Variants in PTTG1IP2 observed in about 807,000 individuals in gnomAD.
PTTG1IP2 encodes PTTG1IP family member 2.
chr7:90,483,436 C>G (rs1157419152), intron 2 of PTTG1IP2, among the ~76,000 whole-genome samples: 2 of 152,202 alleles, frequency 1.3e-5, no homozygotes, highest in Non-Finnish European at 2.9e-5. Flanking sequence ...CATGCACATT[C>G]ACAAACTCAA....
intron 2 of PTTG1IP2, among the ~76,000 whole-genome samples, 168 bp from the exon 3 acceptor site, chr7:90,487,159 A>G (rs116283992): frequency 2.3e-3 from 347 of 152,330 alleles, no homozygotes; most frequent in African/African-American, 8.1e-3. Context: ...GTTTGGATGC[A>G]TGGGTCTGAC....
At chr7:90,489,826 C>A (rs1380822982) in intron 4 of PTTG1IP2, among the ~76,000 whole-genome samples, 2 of 151,898 alleles carry the variant, frequency 1.3e-5, no homozygotes, top group African/African-American at 4.8e-5. Flanking sequence ...AATAGATTCT[C>A]TTTTCTTACT....
At chr7:90,506,012 A>G (rs111532714) in intron 6 of PTTG1IP2, among the ~76,000 whole-genome samples, 16,606 of 145,762 alleles carry the variant, frequency 0.11, 1,346 homozygotes, top group Middle Eastern at 0.19. Context: ...AAAAAAAAAA[A>G]AAAAAAAAGA....
chr7:90,475,306 A>G (rs1390627192), intron 1 of PTTG1IP2, among the ~76,000 whole-genome samples: 2 of 152,222 alleles, frequency 1.3e-5, no homozygotes, highest in Admixed American at 6.5e-5. Context: ...TCAGAGGATA[A>G]TTACGCCAAG....
rs148551595 is a variant in PTTG1IP2, at chr7:90,498,052, G to A, written c.*50+3622G>A. ...CCCCCCTTTTTTTTTTTGAGATGGA[G>A]TCTCGCTCTGTTGCCCAGACTAGAG... On this transcript the variant is annotated intron_variant, in intron 6 of 6. Coordinates refer to ENST00000509356, the MANE Select transcript of PTTG1IP2 (RefSeq NM_001365443.2). Among the ~76,000 whole-genome samples, 821 of 150,808 alleles carry A rather than the reference G, an allele frequency of 5.4e-3. 10 individuals carry two copies. Among genetic ancestry groups the A allele is most frequent in the African/African-American group, 0.019 (786 of 40,940 alleles).
chr7:90,503,751 T>C (rs1798086748), intron 6 of PTTG1IP2, among the ~76,000 whole-genome samples: 1 of 152,132 alleles, frequency 6.6e-6, no homozygotes, highest in African/African-American at 2.4e-5. Context: ...ACAATTACAA[T>C]AGTAACATCA....
intron 6 of PTTG1IP2, among the ~76,000 whole-genome samples, chr7:90,505,844 C>T (rs1375128648): frequency 6.6e-6 from 1 of 151,652 alleles, no homozygotes; most frequent in Non-Finnish European, 1.5e-5. Context: ...ATTAGCCGGG[C>T]GCGGTGGCGG....
At chr7:90,479,816 C>A (rs1797794976) in intron 2 of PTTG1IP2, among the ~76,000 whole-genome samples, 1 of 152,192 alleles carries the variant, frequency 6.6e-6, no homozygotes, top group African/African-American at 2.4e-5. Context: ...CACATAAAAA[C>A]CACTGTAGTC....
intron 6 of PTTG1IP2, among the ~76,000 whole-genome samples, chr7:90,501,093 G>GCCA (rs1261733147): frequency 6.6e-6 from 1 of 152,158 alleles, no homozygotes; most frequent in Admixed American, 6.5e-5. Flanking sequence ...CAGAGATTGG[G>GCCA]CCACATATGA....
chr7:90,499,274 T>G (rs1175893174), intron 6 of PTTG1IP2, among the ~76,000 whole-genome samples: 3 of 152,252 alleles, frequency 2.0e-5, no homozygotes, highest in African/African-American at 7.2e-5. Context: ...GTCTAGAGTT[T>G]GCAGAAGTAC....
chr7:90,493,152 G>C (rs1011699120), intron 5 of PTTG1IP2, among the ~76,000 whole-genome samples: 1 of 151,910 alleles, frequency 6.6e-6, no homozygotes, highest in Non-Finnish European at 1.5e-5. Flanking sequence ...TGCAGGGTGC[G>C]GGGGGGCTTC....
chr7:90,481,909 A>G (rs1176795965), intron 2 of PTTG1IP2, among the ~76,000 whole-genome samples: 1 of 152,172 alleles, frequency 6.6e-6, no homozygotes, highest in African/African-American at 2.4e-5. Flanking sequence ...AAATTAATTC[A>G]GTATACTCTA....
chr7:90,479,606 A>G (rs768773345), intron 2 of PTTG1IP2, among the ~76,000 whole-genome samples: 3 of 152,214 alleles, frequency 2.0e-5, no homozygotes, highest in Non-Finnish European at 2.9e-5. Context: ...ATGTGGTGAC[A>G]ATTTCCTTCC....
At chr7:90,478,976 T>C (rs1036289537) in intron 1 of PTTG1IP2, among the ~76,000 whole-genome samples, 10 of 152,174 alleles carry the variant, frequency 6.6e-5, no homozygotes, top group African/African-American at 2.4e-4. Flanking sequence ...GGTTGTTTTT[T>C]AGAACTTGGC....
chr7:90,505,629 TA>T (rs946685929), intron 6 of PTTG1IP2, among the ~76,000 whole-genome samples: 1 of 152,174 alleles, frequency 6.6e-6, no homozygotes, highest in Non-Finnish European at 1.5e-5. Context: ...ATAGCTTTGT[TA>T]ACCGCACTGT....
chr7:90,498,786 C>T (rs781593321), intron 6 of PTTG1IP2, among the ~76,000 whole-genome samples: 54 of 152,120 alleles, frequency 3.5e-4, no homozygotes, highest in Non-Finnish European at 6.9e-4. Context: ...ATTTTAATAT[C>T]TGGTAATGGT....
At chr7:90,483,234 G>A (rs1042763610) in intron 2 of PTTG1IP2, among the ~76,000 whole-genome samples, 2 of 152,138 alleles carry the variant, frequency 1.3e-5, no homozygotes, top group Non-Finnish European at 2.9e-5. Context: ...CTGTTGGCAT[G>A]ATCCTCCTTT....
intron 6 of PTTG1IP2, among the ~76,000 whole-genome samples, chr7:90,506,786 T>C (rs969404356): frequency 6.6e-6 from 1 of 152,164 alleles, no homozygotes; most frequent in African/African-American, 2.4e-5. Flanking sequence ...TATATTCTTA[T>C]TTTATTTTAA....
At chr7:90,490,215 G>A (rs901808107) in intron 4 of PTTG1IP2, among the ~76,000 whole-genome samples, 1 of 151,944 alleles carries the variant, frequency 6.6e-6, no homozygotes, top group African/African-American at 2.4e-5. Context: ...AGAAGGTTTG[G>A]AGAGTATTTG....
Sources: gnomAD v4.1 joint callset for allele counts (sites outside exome capture counted in the v4.1 genomes callset) on GRCh38, gnomAD v4.1.1 for gene constraint, MANE v1.5 for transcripts, NCBI Gene and HGNC (gene_info 2026-07-23, HGNC 2026-07-21) for gene names.